CNTNAP3: variants seen among roughly 807,000 people sequenced by gnomAD.
CNTNAP3 encodes the protein contactin associated protein family member 3, also known as contactin-associated protein-like 3.
In CNTNAP3, 36 loss-of-function variants were observed where a neutral mutation model predicts 92.1. That is an observed-to-expected ratio of 0.39 (90% confidence interval 0.30 to 0.52). The LOEUF (loss-of-function observed/expected upper bound fraction) is 0.52. Among genes scored for constraint, CNTNAP3 ranks in the 20% least tolerant of loss-of-function variants. The probability of loss-of-function intolerance (pLI) is 0.76; values close to 1 mark genes in which losing one functional copy is unlikely to be tolerated. For missense variants in CNTNAP3, 534 were observed against 1,069.6 expected, an observed-to-expected ratio of 0.50 and a Z score of 6.98; for synonymous variants, 232 against 422.3, an observed-to-expected ratio of 0.55 and a Z score of 5.53.
intron 15 of CNTNAP3, 46 bp downstream of exon 15, chr9:39,109,114 A>C (rs1042825839): frequency 6.3e-7 from 1 of 1,582,858 alleles, no homozygotes. Context: ...TTTTATAACC[A>C]AAAAAAGTTA....
At chr9:39,149,476 A>G (rs1821787375) in intron 10 of CNTNAP3, among the ~76,000 whole-genome samples, 1 of 150,588 alleles carries the variant, frequency 6.6e-6, no homozygotes, top group South Asian at 2.1e-4. Context: ...CAGCCTCCCC[A>G]GTAGCTGGGA....
At chr9:39,132,680 T>C (rs918440900) in intron 13 of CNTNAP3, among the ~76,000 whole-genome samples, 34 of 152,096 alleles carry the variant, frequency 2.2e-4, no homozygotes, top group Non-Finnish European at 4.7e-4. Context: ...TCAGCAAAAT[T>C]TCCCTTGATT....
chr9:39,067,287 T>G lies in CNTNAP3; in HGVS notation c.*6603A>C, dbSNP rs1405397869. On this transcript the variant is annotated 3_prime_UTR_variant, in exon 24 of 24. Coordinates refer to ENST00000297668, the MANE Select transcript of CNTNAP3 (RefSeq NM_033655.5). ...TTAGTAATTCTAACATCTGGGTATG[T>G]GCTGGGTCATTTTAGATTGATTTTT... is the stretch of plus-strand genomic sequence containing the variant. 2.0e-5 allele frequency among the ~76,000 whole-genome samples: 3 copies of G among 152,308 alleles called. No homozygotes were observed. The highest frequency in any genetic ancestry group is 4.4e-5 in the Non-Finnish European group (3 of 68,054).
intron 18 of CNTNAP3, among the ~76,000 whole-genome samples, chr9:39,096,946 T>C (rs1323066119): frequency 3.3e-5 from 5 of 151,438 alleles, no homozygotes; most frequent in African/African-American, 1.2e-4. Flanking sequence ...CAACCATTAT[T>C]TTTCAAATAT....
chr9:39,078,736 G>C lies in CNTNAP3; in HGVS notation c.3627C>G (p.Ser1209=), dbSNP rs1045122962. ...GAGCCAGTTCCCGCGCCGGGGAGCC[G>C]GACGCCGCCCCCGCTGCGCAGCGGG... ...PMARCAAGAA[S]GSPARELAPR... The change falls in exon 22 of 24, where the codon TCC becomes TCG. Residue 1209 remains serine, a synonymous_variant. Transcript: ENST00000297668. 12 of 1,443,546 alleles carry C rather than the reference G, an allele frequency of 8.3e-6. No individual in the cohort carries two copies. The highest frequency in any genetic ancestry group is 1.1e-5 in the Non-Finnish European group (12 of 1,091,178). 89.4% of individuals were successfully genotyped at this position (1,443,546 alleles called of 1,614,324 possible). A position where few individuals can be genotyped will look rare whatever the true frequency, so the allele number is the denominator to read the frequency against.
intron 23 of CNTNAP3, among the ~76,000 whole-genome samples, chr9:39,075,842 A>C (rs975275838): frequency 2.6e-5 from 4 of 152,312 alleles, no homozygotes; most frequent in African/African-American, 9.6e-5. Flanking sequence ...TGCATGCCTT[A>C]GTAAACTTGC....
At chr9:39,131,486 G>T (rs1433279248) in intron 13 of CNTNAP3, among the ~76,000 whole-genome samples, 1 of 151,736 alleles carries the variant, frequency 6.6e-6, no homozygotes, top group Admixed American at 6.6e-5. Context: ...ACCCTGGGAA[G>T]GGACCCAGAT....
intron 13 of CNTNAP3, among the ~76,000 whole-genome samples, chr9:39,130,359 T>C (rs563463278): frequency 1.5e-3 from 230 of 151,992 alleles, no homozygotes; most frequent in African/African-American, 5.4e-3. Flanking sequence ...CTAGAGAGGA[T>C]TACACAGAGT....
At chr9:39,082,989 A>G (rs2118404537) in intron 21 of CNTNAP3, among the ~76,000 whole-genome samples, 1 of 152,224 alleles carries the variant, frequency 6.6e-6, no homozygotes, top group South Asian at 2.1e-4. Flanking sequence ...GACCCAACAT[A>G]AAACATTTCT....
intron 13 of CNTNAP3, among the ~76,000 whole-genome samples, chr9:39,131,410 C>A (rs548241785): frequency 8.5e-5 from 13 of 152,266 alleles, no homozygotes; most frequent in Non-Finnish European, 1.0e-4. Flanking sequence ...ACTTTGAATG[C>A]AACCAGACCT....
intron 21 of CNTNAP3, among the ~76,000 whole-genome samples, chr9:39,079,289 G>A (rs1186413814): frequency 1.3e-5 from 2 of 151,846 alleles, no homozygotes; most frequent in East Asian, 1.9e-4. Context: ...CCAATAATCC[G>A]GAGGATTACA....
At chr9:39,118,288 T>C (rs574683172) in intron 13 of CNTNAP3, 29 bp from the exon 14 acceptor site, 17 of 1,612,974 alleles carry the variant, frequency 1.1e-5, no homozygotes, top group Non-Finnish European at 1.4e-5. Flanking sequence ...AAACATGACA[T>C]CTACTTTGTC....
At position 39,067,710 on chromosome 9, in the gene CNTNAP3, T is replaced by C; in HGVS notation, c.*6180A>G. Among the ~76,000 whole-genome samples, 1 of 152,428 alleles carries C rather than the reference T, an allele frequency of 6.6e-6. No homozygotes were observed. Among genetic ancestry groups the C allele is most frequent in the East Asian group, 1.9e-4 (1 of 5,196 alleles). On this transcript the variant is annotated 3_prime_UTR_variant, in exon 24 of 24. Transcript: ENST00000297668. ...TGTGCCCGGCCTGGTGTTGGATAGT[T>C]TTATGTTACTGGAAATACATGTGAA...
intron 18 of CNTNAP3, among the ~76,000 whole-genome samples, chr9:39,094,509 T>C (rs1157921541): frequency 1.3e-5 from 2 of 151,628 alleles, no homozygotes; most frequent in African/African-American, 2.4e-5. Flanking sequence ...GATTTAAAAC[T>C]TTGATTCATT....
intron 18 of CNTNAP3, among the ~76,000 whole-genome samples, chr9:39,094,057 A>T (rs1318523386): frequency 6.7e-6 from 1 of 150,316 alleles, no homozygotes; most frequent in Non-Finnish European, 1.5e-5. Context: ...ATTTATTTTT[A>T]TTGTCAATCT....
chr9:39,106,535 C>G (rs1251548198), intron 15 of CNTNAP3: 1 of 152,168 alleles, frequency 6.6e-6, no homozygotes, highest in East Asian at 1.9e-4. Flanking sequence ...ATCCTCCCAT[C>G]TCAGTCTCCC....
chr9:39,119,505 A>C (rs1237163657), intron 13 of CNTNAP3, among the ~76,000 whole-genome samples: 1 of 152,196 alleles, frequency 6.6e-6, no homozygotes, highest in Non-Finnish European at 1.5e-5. Context: ...TTTAAAAGTT[A>C]CCGACTTCAC....
chr9:39,101,426 G>A (rs1185399406), intron 17 of CNTNAP3, among the ~76,000 whole-genome samples: 1 of 150,084 alleles, frequency 6.7e-6, no homozygotes, highest in African/African-American at 2.5e-5. Flanking sequence ...TTTAATCTGT[G>A]TAGCTCCTAA....
chr9:39,077,895 A>C (rs563676522), intron 23 of CNTNAP3, among the ~76,000 whole-genome samples: 1 of 152,284 alleles, frequency 6.6e-6, no homozygotes, highest in South Asian at 2.1e-4. Context: ...AGCTGAAATC[A>C]GCAAATATTG....
Sources: allele counts gnomAD v4.1 joint callset (sites outside exome capture counted in the v4.1 genomes callset), GRCh38; gene constraint gnomAD v4.1.1; transcripts MANE v1.5; gene names NCBI Gene and HGNC (gene_info 2026-07-23, HGNC 2026-07-21).